Variants in EMG1 observed in about 807,000 individuals in gnomAD.
The protein encoded by EMG1 is ribosomal RNA small subunit methyltransferase NEP1.
A neutral mutation model predicts 26.9 loss-of-function variants in EMG1; 24 were observed. The observed-to-expected ratio is 0.89, with a 90% CI of 0.65 to 1.26. EMG1 has a LOEUF of 1.26. EMG1 is among the 50% of genes most tolerant of loss of function. EMG1 has a pLI of 0.00. For synonymous variants in EMG1, 140 were observed against 112.6 expected, an observed-to-expected ratio of 1.24 and a Z score of -1.54; for missense variants, 299 against 307.6, an observed-to-expected ratio of 0.97 and a Z score of 0.21.
In EMG1 at chr12:6,978,167, T is replaced by G; in HGVS notation, c.*2358T>G. The G allele has an allele frequency of 1.4e-6, 1 of 720,832 alleles. No homozygotes were observed. Among genetic ancestry groups the G allele is most frequent in the Non-Finnish European group, 2.3e-6 (1 of 443,862 alleles). 44.7% of individuals were successfully genotyped at this position (720,832 alleles called of 1,614,324 possible). A position where few individuals can be genotyped will look rare whatever the true frequency, so the allele number is the denominator to read the frequency against. On this transcript the variant is annotated 3_prime_UTR_variant, in exon 6 of 6. Transcript: ENST00000599672. ...CTTGCCTTTTTTTCAAATATGACAG[T>G]AATGGTTTTTTTGGGAGGGGGGTAT...
intron 7 of EMG1, among the ~76,000 whole-genome samples, chr12:6,993,629 C>T (rs1014440046): frequency 3.9e-5 from 6 of 152,100 alleles, no homozygotes; most frequent in Admixed American, 6.5e-5. Flanking sequence ...ATATAAATGG[C>T]GTCAGGCAAT....
chr12:6,989,956 G>T (rs1591550698), downstream of EMG1, among the ~76,000 whole-genome samples: 5 of 151,634 alleles, frequency 3.3e-5, 1 homozygote. Flanking sequence ...GAGAATCACT[G>T]GAACCCAGGA....
rs782735967 is a variant in EMG1, at chr12:6,974,421, G to A, written c.251G>A (p.Arg84Gln). ...AATGGACGGGACCCTGGGGAAGCGCGGCCAGATATCACCCACCAGGTAACT... is the reference window on the plus strand; with the variant it reads ...AATGGACGGGACCCTGGGGAAGCGCAGCCAGATATCACCCACCAGGTAACT... ...LKNGRDPGEA[R>Q]PDITHQSLLM... Residue 84 changes from arginine (R) to glutamine (Q), a missense_variant, in exon 2 of 6, where the codon CGG becomes CAG. Coordinates refer to ENST00000599672, the MANE Select transcript of EMG1 (RefSeq NM_006331.8). 3 of 1,613,648 alleles carry A rather than the reference G, an allele frequency of 1.9e-6. No individual in the cohort carries two copies. Among genetic ancestry groups the A allele is most frequent in the Non-Finnish European group, 2.5e-6 (3 of 1,179,674 alleles).
downstream of EMG1, chr12:6,982,599 A>T: frequency 9.1e-7 from 1 of 1,093,096 alleles, no homozygotes; most frequent in Non-Finnish European, 1.4e-6. Context: ...TAATTTCTAT[A>T]CCACAGTCCC....
Position 6,977,767 on chromosome 12 carries a change from GC to G in EMG1, c.*1959del, listed in dbSNP as rs1555153503. 1.9e-6 allele frequency: 3 copies of G among 1,613,410 alleles called. No homozygotes were observed. Among genetic ancestry groups the G allele is most frequent in the Admixed American group, 1.7e-5 (1 of 59,996 alleles). On this transcript the variant is annotated 3_prime_UTR_variant, in exon 6 of 6. Coordinates refer to ENST00000599672, the MANE Select transcript of EMG1 (RefSeq NM_006331.8). The surrounding 1 kb of genome is among the most constrained non-coding windows in gnomAD (Gnocchi z 4.5). ...GTAGCTGGAGAAAAGGGTGGGTGGG[GC>G]GACCCTCAAACTGACTGGTCCTTGC... is the stretch of plus-strand genomic sequence containing the variant.
rs1555152827 is a variant in EMG1, at chr12:6,974,665, A to G, written c.384A>G (p.Arg128=). The change falls in exon 3 of 6, where the codon AGA becomes AGG. Residue 128 remains arginine, a synonymous_variant. Coordinates refer to ENST00000599672, the MANE Select transcript of EMG1 (RefSeq NM_006331.8). ...IEVNPQTRIP[R]TFDRFCGLMV... is the part of the protein sequence containing the mutation. Reference sequence around the variant, plus strand: ...TGAATCCCCAGACCCGAATTCCCAGAACCTTTGACCGCTTTTGTGGCCTCA... The same window carrying G: ...TGAATCCCCAGACCCGAATTCCCAGGACCTTTGACCGCTTTTGTGGCCTCA... 6.2e-7 allele frequency: 1 copy of G among 1,613,982 alleles called. No individual in the cohort carries two copies. Among genetic ancestry groups the G allele is most frequent in the Non-Finnish European group, 8.5e-7 (1 of 1,179,898 alleles).
chr12:6,977,600 G>T lies in EMG1; in HGVS notation c.*1791G>T, dbSNP rs782016708. On this transcript the variant is annotated 3_prime_UTR_variant, in exon 6 of 6. Coordinates refer to ENST00000599672, the MANE Select transcript of EMG1 (RefSeq NM_006331.8). The surrounding 1 kb of genome is among the most constrained non-coding windows in gnomAD (Gnocchi z 4.5). ...TCACCCCCACCCTGGAGGCCTACCT[G>T]TCTTTCCACAATAACAATGAGGAAT... 3.1e-6 allele frequency: 5 copies of T among 1,614,088 alleles called. No homozygotes were observed. In the African/African-American group the frequency reaches 5.3e-5, roughly 17 times the overall value.
chr12:6,974,227 A>T, intron 1 of EMG1, 112 bp from the exon 2 acceptor site: 1 of 778,968 alleles, frequency 1.3e-6, no homozygotes, highest in Non-Finnish European at 2.2e-6. Flanking sequence ...AATTTGCCTA[A>T]CAAGTTTCCA....
Position 6,971,056 on chromosome 12 carries a change from G to A in EMG1, c.133G>A (p.Val45Met). The change falls in exon 1 of 6, where the codon GTG (valine) becomes ATG (methionine). Residue 45 changes from valine (V) to methionine (M), a missense_variant. By Grantham distance (21) the Val-to-Met change is conservative. Coordinates refer to ENST00000599672, the MANE Select transcript of EMG1 (RefSeq NM_006331.8). ...CAAGATCGGAGGCCGTAGGCTTATT[G>A]TGGTGCTGGAAGGGGCCAGTCTGGA... ...GNKIGGRRLI[V>M]VLEGASLETV... 6.2e-7 allele frequency: 1 copy of A among 1,611,700 alleles called. No individual in the cohort carries two copies. The highest frequency in any genetic ancestry group is 8.5e-7 in the Non-Finnish European group (1 of 1,178,886).
At position 6,978,355 on chromosome 12, in the gene EMG1, G is replaced by C. The variant is rs376712653; in HGVS notation, c.*2546G>C. ...CAGCAGCTCACCGGGCCACCCAGGC[G>C]TTGGTGTTGATGTTGAATGAGGCAA... On this transcript the variant is annotated 3_prime_UTR_variant, in exon 6 of 6. Transcript: ENST00000599672. 6.2e-7 allele frequency: 1 copy of C among 1,610,972 alleles called. No individual in the cohort carries two copies. The highest frequency in any genetic ancestry group is 1.3e-5 in the African/African-American group (1 of 74,766).
At position 6,979,197 on chromosome 12, in the gene EMG1, G is replaced by A. The variant is rs782290294; in HGVS notation, c.*3388G>A. ...AAGCTGCTGTGCTCTGAGGGGTCAC[G>A]TGGATGTGATAAGGCAAGCTAGGAG... On this transcript the variant is annotated 3_prime_UTR_variant, in exon 6 of 6. Transcript: ENST00000599672. 7 of 493,540 alleles carry A rather than the reference G, an allele frequency of 1.4e-5. No individual in the cohort carries two copies. Among genetic ancestry groups the A allele is most frequent in the African/African-American group, 5.8e-5 (3 of 51,452 alleles). The allele number at this position is 493,540 out of a possible 1,614,324, so 30.6% of individuals were successfully genotyped here.
At position 6,971,096 on chromosome 12, in the gene EMG1, T is replaced by A. The variant is rs781804386; in HGVS notation, c.168+5T>A. On this transcript the variant is annotated splice_donor_5th_base_variant and intron_variant, in intron 1 of 5. Coordinates refer to ENST00000599672, the MANE Select transcript of EMG1 (RefSeq NM_006331.8). Reference sequence around the variant, plus strand: ...GCCAGTCTGGAGACAGTCAAGGTAGTTTGGGACAGGAAGTGGAGAAGTAGT... The same window carrying A: ...GCCAGTCTGGAGACAGTCAAGGTAGATTGGGACAGGAAGTGGAGAAGTAGT... The A allele has an allele frequency of 1.2e-6, 2 of 1,607,556 alleles. No homozygotes were observed. Among genetic ancestry groups the A allele is most frequent in the Admixed American group, 3.4e-5 (2 of 59,188 alleles).
downstream of EMG1, among the ~76,000 whole-genome samples, chr12:6,992,867 T>G (rs1238625999): frequency 6.6e-6 from 1 of 152,244 alleles, no homozygotes; most frequent in Non-Finnish European, 1.5e-5. Flanking sequence ...TAGTATTGCA[T>G]GTAACCTATG....
At position 6,978,643 on chromosome 12, in the gene EMG1, T is replaced by G; in HGVS notation, c.*2834T>G. On this transcript the variant is annotated 3_prime_UTR_variant, in exon 6 of 6. Coordinates refer to ENST00000599672, the MANE Select transcript of EMG1 (RefSeq NM_006331.8). ...GGTGACATATTTGTACAGCACAAAC[T>G]TGCCCCAGATCAGCATGTACATGCA... is the stretch of plus-strand genomic sequence containing the variant. 1 of 1,614,200 alleles carries G rather than the reference T, an allele frequency of 6.2e-7. No homozygotes were observed. The highest frequency in any genetic ancestry group is 8.5e-7 in the Non-Finnish European group (1 of 1,180,042).
intron 1 of EMG1, among the ~76,000 whole-genome samples, chr12:6,972,301 T>C (rs1946341192): frequency 6.6e-6 from 1 of 152,332 alleles, no homozygotes; most frequent in Non-Finnish European, 1.5e-5. Flanking sequence ...AAGGTTTTTT[T>C]CTTCTATAAC....
chr12:6,988,057 A>AG, intron 7 of EMG1: 1 of 358,556 alleles, frequency 2.8e-6, no homozygotes, highest in East Asian at 4.0e-5. Flanking sequence ...GTGTAAAAAA[A>AG]AAAAGATTTA....
downstream of EMG1, among the ~76,000 whole-genome samples, chr12:6,990,785 C>A (rs1946581926): frequency 6.6e-6 from 1 of 150,760 alleles, no homozygotes; most frequent in Admixed American, 6.6e-5. Context: ...GACATGGTGG[C>A]AGGCGCCTGT....
chr12:6,972,994 C>T (rs1359875010), intron 1 of EMG1, among the ~76,000 whole-genome samples: 2 of 148,338 alleles, frequency 1.3e-5, no homozygotes, highest in African/African-American at 5.0e-5. Flanking sequence ...AATGGCACTG[C>T]GCCTGGCTAA....
intron 7 of EMG1, among the ~76,000 whole-genome samples, chr12:6,995,688 C>G (rs1267986770): frequency 6.6e-6 from 1 of 152,010 alleles, no homozygotes; most frequent in African/African-American, 2.4e-5. Flanking sequence ...GCCTGCACCA[C>G]GTCTTCCCAG....
Sources: allele counts gnomAD v4.1 joint callset (sites outside exome capture counted in the v4.1 genomes callset), GRCh38; gene constraint gnomAD v4.1.1; non-coding constraint Gnocchi (gnomAD v3.1); transcripts MANE v1.5; gene names NCBI Gene and HGNC (gene_info 2026-07-23, HGNC 2026-07-21).